NTRK2: variants seen among roughly 807,000 people sequenced by gnomAD.
NTRK2 encodes BDNF/NT-3 growth factors receptor.
In NTRK2, 13 loss-of-function variants were observed where a neutral mutation model predicts 94.5. The observed-to-expected ratio is 0.14, with a 90% CI of 0.09 to 0.22. The LOEUF (loss-of-function observed/expected upper bound fraction) is 0.22, where lower values mean the gene tolerates loss of function less well. NTRK2 is among the 10% of genes least tolerant of loss of function. NTRK2 has a pLI of 1.00. For missense variants in NTRK2, 639 were observed against 1,071.2 expected, an observed-to-expected ratio of 0.60 and a Z score of 5.63; for synonymous variants, 372 against 407.4, an observed-to-expected ratio of 0.91 and a Z score of 1.05.
At chr9:84,931,572 T>C (rs1005800828) in intron 14 of NTRK2, among the ~76,000 whole-genome samples, 12 of 152,176 alleles carry the variant, frequency 7.9e-5, no homozygotes, top group African/African-American at 2.9e-4. Context: ...GCTCTCCTGC[T>C]TTCAAGGTCA....
intron 14 of NTRK2, among the ~76,000 whole-genome samples, chr9:84,916,967 C>T (rs1026698262): frequency 6.6e-6 from 1 of 152,180 alleles, no homozygotes; most frequent in Non-Finnish European, 1.5e-5. Context: ...GCTGCCAGCT[C>T]GCTTGCATGT....
Position 84,864,396 on chromosome 9 carries a change from G to A in NTRK2, c.1445-2847G>A, listed in dbSNP as rs1587729898. Among the ~76,000 whole-genome samples the A allele has an allele frequency of 3.3e-5, 5 of 152,240 alleles. 1 individual carries two copies. In the South Asian group the frequency reaches 1.0e-3, roughly 32 times the overall value. On this transcript the variant is annotated intron_variant, in intron 13 of 18. Transcript: ENST00000277120. ...TGAGGGATAAAAGGCTACACATTGG[G>A]TACGGTGTTGCTGCTTGGGTGATGA...
chr9:84,695,858 A>G (rs2060345736), intron 2 of NTRK2, among the ~76,000 whole-genome samples: 1 of 152,138 alleles, frequency 6.6e-6, no homozygotes, highest in African/African-American at 2.4e-5. Flanking sequence ...GGCTCATCAT[A>G]TCCTGTGGCA....
At chr9:85,020,421 T>A (rs2117956888) in intron 18 of NTRK2, 57 bp downstream of exon 18, 4 of 1,586,528 alleles carry the variant, frequency 2.5e-6, no homozygotes, top group Non-Finnish European at 3.5e-6. Context: ...GAGGCATCCA[T>A]TGGCTGGGGC....
chr9:84,688,428 C>T (rs1009170888), intron 2 of NTRK2, among the ~76,000 whole-genome samples: 3 of 152,110 alleles, frequency 2.0e-5, no homozygotes, highest in Admixed American at 6.5e-5. Flanking sequence ...CAGATGGTTC[C>T]TACACTTCAG....
At chr9:85,020,907 C>T (rs1426570815) in intron 18 of NTRK2, among the ~76,000 whole-genome samples, 1 of 152,198 alleles carries the variant, frequency 6.6e-6, no homozygotes, top group African/African-American at 2.4e-5. Flanking sequence ...TGAGAGGTTT[C>T]CTGTCAGTCA....
intron 18 of NTRK2, among the ~76,000 whole-genome samples, chr9:85,020,774 T>G (rs1031219675): frequency 1.3e-5 from 2 of 152,236 alleles, no homozygotes; most frequent in African/African-American, 4.8e-5. Flanking sequence ...AAGCATTTTG[T>G]TTTTTCTATT....
chr9:84,927,607 G>A (rs978864492), intron 14 of NTRK2, among the ~76,000 whole-genome samples: 1 of 151,856 alleles, frequency 6.6e-6, no homozygotes, highest in African/African-American at 2.4e-5. Context: ...CTTGTTTTTT[G>A]TAAGAAGGCC....
intron 13 of NTRK2, among the ~76,000 whole-genome samples, chr9:84,864,234 T>C (rs1289858140): frequency 6.6e-6 from 1 of 152,124 alleles, no homozygotes; most frequent in East Asian, 1.9e-4. Flanking sequence ...GCATTTCTAA[T>C]GGTTCCAGGG....
chr9:84,809,380 A>G (rs1010600506), intron 12 of NTRK2, among the ~76,000 whole-genome samples: 2 of 149,110 alleles, frequency 1.3e-5, no homozygotes, highest in Non-Finnish European at 3.0e-5. Flanking sequence ...ACTTAATGTT[A>G]GATATTATAC....
chr9:84,672,671 C>A (rs1186895382), intron 2 of NTRK2, among the ~76,000 whole-genome samples: 2 of 152,060 alleles, frequency 1.3e-5, no homozygotes, highest in Non-Finnish European at 2.9e-5. Flanking sequence ...TAGGGCTGAT[C>A]ATTTTCACTT....
In NTRK2 at chr9:84,818,906, G is replaced by A. The variant is rs114948997; in HGVS notation, c.1397-42134G>A. On this transcript the variant is annotated intron_variant, in intron 12 of 18. Coordinates refer to ENST00000277120, the MANE Select transcript of NTRK2 (RefSeq NM_006180.6). ...CTTGCCTTTCGAACACCCACAGGCA[G>A]AGCAGCGTCGGAGCTGCTTGGTCAC... is the stretch of plus-strand genomic sequence containing the variant. 8.3e-3 allele frequency among the ~76,000 whole-genome samples: 1,261 copies of A among 152,314 alleles called. 15 individuals carry two copies. The highest frequency in any genetic ancestry group is 0.029 in the African/African-American group (1,203 of 41,548).
intron 17 of NTRK2, among the ~76,000 whole-genome samples, chr9:85,014,370 C>T (rs114072685): frequency 3.3e-5 from 5 of 152,282 alleles, no homozygotes; most frequent in African/African-American, 9.6e-5. Context: ...GTGCATTCCT[C>T]GTTAACGTGT....
At chr9:84,762,021 AG>A (rs1225398911) in intron 12 of NTRK2, among the ~76,000 whole-genome samples, 1 of 151,742 alleles carries the variant, frequency 6.6e-6, no homozygotes, top group Non-Finnish European at 1.5e-5. Flanking sequence ...ACACGATCTG[AG>A]GTTTTTTTTT....
chr9:84,989,426 G>A (rs1159301604), intron 17 of NTRK2, among the ~76,000 whole-genome samples: 2 of 151,940 alleles, frequency 1.3e-5, no homozygotes, highest in East Asian at 3.9e-4. Context: ...ATCTGGTCCC[G>A]TAATATATGT....
intron 12 of NTRK2, among the ~76,000 whole-genome samples, chr9:84,809,267 T>C (rs116449838): frequency 0.017 from 2,559 of 152,190 alleles, 77 homozygotes; most frequent in African/African-American, 0.058. Flanking sequence ...TCTCCTTCTA[T>C]GGGCCAATGA....
chr9:84,979,056 A>G (rs567544179), intron 17 of NTRK2, among the ~76,000 whole-genome samples: 184 of 152,350 alleles, frequency 1.2e-3, no homozygotes, highest in Non-Finnish European at 3.5e-4. Context: ...TGGGATGTAC[A>G]AGGAGATTCA....
intron 12 of NTRK2, chr9:84,813,033 T>C (rs2071986850): frequency 9.6e-7 from 1 of 1,036,860 alleles, no homozygotes; most frequent in South Asian, 4.6e-5. Context: ...TTCATCATTT[T>C]GCTTTTTATG....
chr9:84,924,691 C>A (rs1408281837), intron 14 of NTRK2, among the ~76,000 whole-genome samples: 1 of 152,162 alleles, frequency 6.6e-6, no homozygotes, highest in African/African-American at 2.4e-5. Flanking sequence ...CCCCCCTTGG[C>A]TTTTTTCTAG....
Sources: gnomAD v4.1 joint callset for allele counts (sites outside exome capture counted in the v4.1 genomes callset) on GRCh38, gnomAD v4.1.1 for gene constraint, MANE v1.5 for transcripts, NCBI Gene and HGNC (gene_info 2026-07-23, HGNC 2026-07-21) for gene names.